Variants in BCL9 observed in about 807,000 individuals in gnomAD.
BCL9 encodes BCL9 transcription coactivator.
BCL9 carries 25 observed loss-of-function variants against 88.5 expected under a neutral mutation model. The observed-to-expected ratio is 0.28, with a 90% CI of 0.21 to 0.39. The LOEUF (loss-of-function observed/expected upper bound fraction) is 0.39. Among genes scored for constraint, BCL9 ranks in the 10% least tolerant of loss-of-function variants. BCL9 has a pLI of 1.00. For synonymous variants in BCL9, 711 were observed against 673.3 expected (o/e 1.06, Z -0.87); for missense variants, 1,817 against 1,877.8 (o/e 0.97, Z 0.60).
At chr1:147,569,493 G>GA (rs1486418934) in intron 1 of BCL9, among the ~76,000 whole-genome samples, 138,487 of 140,248 alleles carry the variant, frequency 0.99, 68,388 homozygotes, top group African/African-American at 0.99. Flanking sequence ...AAAAAAGAAA[G>GA]AAAAAAATCA....
At chr1:147,574,390 T>C (rs1553197865) in intron 1 of BCL9, among the ~76,000 whole-genome samples, 1 of 152,166 alleles carries the variant, frequency 6.6e-6, no homozygotes, top group Non-Finnish European at 1.5e-5. Context: ...AGAATCTGTG[T>C]AGACAAATGA....
At chr1:147,563,109 GC>G (rs1228870360) in intron 1 of BCL9, among the ~76,000 whole-genome samples, 1 of 152,100 alleles carries the variant, frequency 6.6e-6, no homozygotes, top group Non-Finnish European at 1.5e-5. Flanking sequence ...TGTCAGTCAG[GC>G]CTTAGCTTAA....
intron 7 of BCL9, 142 bp from the exon 8 acceptor site, chr1:147,618,673 AG>A (rs1553204233): frequency 4.2e-6 from 3 of 714,244 alleles, no homozygotes; most frequent in Non-Finnish European, 6.2e-6. Context: ...TGCCCAAAAG[AG>A]GGTTGTACGT....
chr1:147,601,076 A>G (rs1657365568), intron 1 of BCL9, among the ~76,000 whole-genome samples: 1 of 152,120 alleles, frequency 6.6e-6, no homozygotes, highest in South Asian at 2.1e-4. Context: ...CTGTAATAGT[A>G]TTGCTGGGGG....
chr1:147,601,198 C>T (rs1657371694), intron 1 of BCL9, among the ~76,000 whole-genome samples: 1 of 151,948 alleles, frequency 6.6e-6, no homozygotes, highest in Admixed American at 6.5e-5. Context: ...AGACTTAGAG[C>T]CTAGATTGGA....
intron 1 of BCL9, among the ~76,000 whole-genome samples, chr1:147,601,560 CA>C (rs1453202932): frequency 6.6e-6 from 1 of 150,888 alleles, no homozygotes; most frequent in East Asian, 2.0e-4. Flanking sequence ...GAGGAGGGGG[CA>C]AAAGGATGTT....
intron 3 of BCL9, among the ~76,000 whole-genome samples, chr1:147,607,503 A>G (rs782335354): frequency 6.6e-6 from 1 of 152,240 alleles, no homozygotes; most frequent in Non-Finnish European, 1.5e-5. Context: ...TGCATATGTA[A>G]TTACAAAGCA....
chr1:147,596,099 G>GT, intron 1 of BCL9, among the ~76,000 whole-genome samples: 1 of 152,318 alleles, frequency 6.6e-6, no homozygotes, highest in Non-Finnish European at 1.5e-5. Context: ...TGAAGAGCAG[G>GT]TATGTGGTGA....
At chr1:147,572,534 A>G (rs1655932417) in intron 1 of BCL9, among the ~76,000 whole-genome samples, 2 of 152,172 alleles carry the variant, frequency 1.3e-5, no homozygotes, top group South Asian at 4.1e-4. Flanking sequence ...TATGCATTCT[A>G]ATCACCTTAA....
rs587687430 is a variant in BCL9 at position 147,606,396 on chromosome 1, CT to C, written c.-342-386del. Among the ~76,000 whole-genome samples the C allele has an allele frequency of 1.5e-4, 23 of 152,298 alleles. No individual in the cohort carries two copies. In the South Asian group the frequency reaches 4.1e-3, roughly 27 times the overall value. ...CAGAGACATATCTGGAATTTTGTCT[CT>C]TCTCACCTTTACAGTCAGCTTTCAA... On this transcript the variant is annotated intron_variant, in intron 2 of 9. Coordinates refer to ENST00000234739, the MANE Select transcript of BCL9 (RefSeq NM_004326.4).
intron 2 of BCL9, among the ~76,000 whole-genome samples, chr1:147,606,518 C>T (rs782079682): frequency 6.6e-6 from 1 of 152,106 alleles, no homozygotes; most frequent in Non-Finnish European, 1.5e-5. Flanking sequence ...ACTTGATTTG[C>T]AGTTTATATT....
chr1:147,591,226 T>A (rs587664097), intron 1 of BCL9, among the ~76,000 whole-genome samples: 36 of 152,172 alleles, frequency 2.4e-4, no homozygotes, highest in East Asian at 2.1e-3. Flanking sequence ...TGTAGCTTTT[T>A]AAAAAAAATA....
intron 1 of BCL9, among the ~76,000 whole-genome samples, chr1:147,556,970 C>A (rs1199771709): frequency 2.0e-5 from 3 of 152,142 alleles, no homozygotes; most frequent in Admixed American, 2.0e-4. Flanking sequence ...ACTGACCATA[C>A]CAACAAAAAC....
chr1:147,577,381 T>A (rs149322602), intron 1 of BCL9, among the ~76,000 whole-genome samples: 1 of 152,294 alleles, frequency 6.6e-6, no homozygotes, highest in East Asian at 1.9e-4. Flanking sequence ...ACCAAGGGCT[T>A]GCCTTGGATG....
intron 9 of BCL9, 83 bp from the exon 10 acceptor site, chr1:147,623,759 A>G: frequency 6.9e-7 from 1 of 1,450,028 alleles, no homozygotes; most frequent in Non-Finnish European, 9.4e-7. Context: ...TTGGATGCAC[A>G]ATAGTTTTTT....
intron 1 of BCL9, among the ~76,000 whole-genome samples, chr1:147,565,960 C>T (rs1048336200): frequency 2.6e-5 from 4 of 152,164 alleles, no homozygotes; most frequent in Non-Finnish European, 2.9e-5. Context: ...ACTTGCAATT[C>T]CCATCTTCTT....
chr1:147,554,482 AT>A (rs1389958332), intron 1 of BCL9, among the ~76,000 whole-genome samples: 1 of 152,232 alleles, frequency 6.6e-6, no homozygotes, highest in Admixed American at 6.5e-5. Flanking sequence ...GATAGGCAGG[AT>A]AATTGGAATC....
At chr1:147,567,809 C>T (rs782629178) in intron 1 of BCL9, among the ~76,000 whole-genome samples, 30 of 152,290 alleles carry the variant, frequency 2.0e-4, no homozygotes, top group Non-Finnish European at 1.3e-4. Flanking sequence ...ATCTCTCCTT[C>T]CTTCTAATGT....
chr1:147,597,555 C>A (rs1657111017), intron 1 of BCL9, among the ~76,000 whole-genome samples: 1 of 152,118 alleles, frequency 6.6e-6, no homozygotes, highest in Non-Finnish European at 1.5e-5. Context: ...TTTCATTATC[C>A]ATTAATGTTT....
Sources: allele counts gnomAD v4.1 joint callset (sites outside exome capture counted in the v4.1 genomes callset), GRCh38; gene constraint gnomAD v4.1.1; transcripts MANE v1.5; gene names NCBI Gene and HGNC (gene_info 2026-07-23, HGNC 2026-07-21).